LDLRAD4: variants seen among roughly 807,000 people sequenced by gnomAD.
LDLRAD4 encodes low density lipoprotein receptor class A domain containing 4, also known as low-density lipoprotein receptor class A domain-containing protein 4.
LDLRAD4 carries 5 observed loss-of-function variants against 17.0 expected under a neutral mutation model. The observed-to-expected ratio is 0.29, with a 90% CI of 0.15 to 0.62. The LOEUF is 0.62. Among genes scored for constraint, LDLRAD4 ranks in the 20% least tolerant of loss-of-function variants. The probability of loss-of-function intolerance (pLI) is 0.84; values close to 1 mark genes in which losing one functional copy is unlikely to be tolerated. For missense variants in LDLRAD4, 340 were observed against 424.7 expected (o/e 0.80, Z 1.75); for synonymous variants, 168 against 171.8 (o/e 0.98, Z 0.17).
chr18:13,613,094 C>A, intron 3 of LDLRAD4: 1 of 207,248 alleles, frequency 4.8e-6, no homozygotes, highest in Non-Finnish European at 9.7e-6. Context: ...GAGACCTCCC[C>A]TGGAAATTCT....
chr18:13,416,816 T>TA (rs1277415983), intron 2 of LDLRAD4, among the ~76,000 whole-genome samples: 1 of 152,200 alleles, frequency 6.6e-6, no homozygotes, highest in Admixed American at 6.5e-5. Flanking sequence ...GAAAAACACT[T>TA]ATGAAAATAG....
chr18:13,643,447 C>CGGGGGGGGGG (rs71174176), intron 5 of LDLRAD4, 35 bp downstream of exon 6: 5 of 165,480 alleles, frequency 3.0e-5, no homozygotes, highest in African/African-American at 1.3e-4. Flanking sequence ...CTGCGGGGGG[C>CGGGGGGGGGG]GGGGGGGGTG....
rs137971625 is a variant in LDLRAD4 at position 13,572,834 on chromosome 18, C to T, written c.182-48283C>T. 1.4e-3 allele frequency among the ~76,000 whole-genome samples: 219 copies of T among 152,312 alleles called. 1 individual carries two copies. The highest frequency in any genetic ancestry group is 4.9e-3 in the African/African-American group (205 of 41,578). On this transcript the variant is annotated intron_variant, in intron 3 of 5. Transcript: ENST00000359446. ...TAGGAATTTGTTAGCAGTGCATACC[C>T]GTGGCAAGAGCTGTGGCTAAAGCAC...
chr18:13,504,812 C>T (rs1456889263), intron 3 of LDLRAD4, among the ~76,000 whole-genome samples: 1 of 152,236 alleles, frequency 6.6e-6, no homozygotes, highest in Non-Finnish European at 1.5e-5. Flanking sequence ...TGGTTGATAA[C>T]CCTGTGCCGC....
At chr18:13,413,887 GA>G (rs924883430) in intron 2 of LDLRAD4, among the ~76,000 whole-genome samples, 30 of 151,636 alleles carry the variant, frequency 2.0e-4, no homozygotes, top group African/African-American at 7.3e-4. Flanking sequence ...GCAACATAGA[GA>G]AACTCCAGAA....
chr18:13,331,293 A>G (rs541512525), intron 1 of LDLRAD4, among the ~76,000 whole-genome samples: 1 of 152,340 alleles, frequency 6.6e-6, no homozygotes, highest in African/African-American at 2.4e-5. Context: ...GGGGGTGTCC[A>G]TGCAGAACTA....
At chr18:13,330,181 G>A (rs1047413330) in intron 1 of LDLRAD4, among the ~76,000 whole-genome samples, 3 of 152,018 alleles carry the variant, frequency 2.0e-5, no homozygotes, top group Admixed American at 2.0e-4. Context: ...GGATGATCTC[G>A]AGCTCCTGAC....
intron 3 of LDLRAD4, among the ~76,000 whole-genome samples, chr18:13,577,165 A>G (rs1397965488): frequency 6.6e-6 from 1 of 152,166 alleles, no homozygotes; most frequent in Non-Finnish European, 1.5e-5. Context: ...CAGATGTCAT[A>G]GTCACACAAA....
intron 1 of LDLRAD4, among the ~76,000 whole-genome samples, chr18:13,253,926 C>T (rs898006748): frequency 2.0e-5 from 3 of 152,328 alleles, no homozygotes; most frequent in Non-Finnish European, 4.4e-5. Flanking sequence ...ACTGAGTGCC[C>T]AGTGTGTGCC....
At chr18:13,422,876 C>T (rs577894169) in intron 2 of LDLRAD4, among the ~76,000 whole-genome samples, 9 of 152,290 alleles carry the variant, frequency 5.9e-5, no homozygotes, top group South Asian at 4.1e-4. Context: ...AGCTGCTTGC[C>T]GCTCAACCTT....
chr18:13,418,389 C>T (rs2089132504), intron 2 of LDLRAD4, among the ~76,000 whole-genome samples: 1 of 152,210 alleles, frequency 6.6e-6, no homozygotes, highest in African/African-American at 2.4e-5. Flanking sequence ...AAGTTCATAC[C>T]ATGGGGTCTG....
intron 1 of LDLRAD4, among the ~76,000 whole-genome samples, chr18:13,261,897 A>T (rs9965848): frequency 0.025 from 3,726 of 152,028 alleles, 71 homozygotes; most frequent in Non-Finnish European, 0.038. Flanking sequence ...AAAGAGGAAC[A>T]GAGGAGATGG....
At chr18:13,505,126 T>C (rs2093670572) in intron 3 of LDLRAD4, among the ~76,000 whole-genome samples, 1 of 152,154 alleles carries the variant, frequency 6.6e-6, no homozygotes, top group Non-Finnish European at 1.5e-5. Flanking sequence ...TAAGGAAATA[T>C]AAAAATGTCT....
chr18:13,644,888 A>G, intron 5 of LDLRAD4: 1 of 520,638 alleles, frequency 1.9e-6, no homozygotes. Context: ...ACAGCTCTCC[A>G]TTGCTCAGCC....
chr18:13,408,635 G>A (rs1344756265), intron 2 of LDLRAD4, among the ~76,000 whole-genome samples: 2 of 151,706 alleles, frequency 1.3e-5, no homozygotes, highest in Non-Finnish European at 2.9e-5. Flanking sequence ...ACCACACCTG[G>A]CTAATTTTTG....
chr18:13,227,867 A>T (rs540950240), intron 1 of LDLRAD4, among the ~76,000 whole-genome samples: 1 of 152,178 alleles, frequency 6.6e-6, no homozygotes, highest in East Asian at 1.9e-4. Context: ...ACACATGGGG[A>T]TTACAATTTG....
chr18:13,509,123 G>A (rs1482059575), intron 3 of LDLRAD4, among the ~76,000 whole-genome samples: 3 of 152,202 alleles, frequency 2.0e-5, no homozygotes, highest in Non-Finnish European at 4.4e-5. Flanking sequence ...TGGCAACACA[G>A]GGAGACATCA....
chr18:13,427,421 C>G (rs1235731472), intron 2 of LDLRAD4: 2 of 152,660 alleles, frequency 1.3e-5, no homozygotes, highest in Non-Finnish European at 2.9e-5. Flanking sequence ...CATACATGGG[C>G]TGGTGGAGTC....
chr18:13,246,329 C>T (rs930846954), intron 1 of LDLRAD4, among the ~76,000 whole-genome samples: 1 of 152,242 alleles, frequency 6.6e-6, no homozygotes, highest in South Asian at 2.1e-4. Context: ...TCTCGCTGCC[C>T]TGGCGCCTGG....
Sources: allele counts gnomAD v4.1 joint callset (sites outside exome capture counted in the v4.1 genomes callset), GRCh38; gene constraint gnomAD v4.1.1; transcripts MANE v1.5; gene names NCBI Gene and HGNC (gene_info 2026-07-23, HGNC 2026-07-21).